Variants in SDC1 observed in about 807,000 individuals in gnomAD.
SDC1 encodes syndecan-1.
In SDC1, 14 loss-of-function variants were observed where a neutral mutation model predicts 29.7. The ratio of observed to expected loss-of-function variants is 0.47; its 90% CI spans 0.31 to 0.74. SDC1 has a LOEUF of 0.74. Ranked by LOEUF, SDC1 falls within the 30% of genes least tolerant of loss-of-function variation. SDC1 has a pLI of 0.05. For missense variants in SDC1, 406 were observed against 400.3 expected (o/e 1.01, Z -0.12); for synonymous variants, 204 against 175.5 (o/e 1.16, Z -1.29).
chr2:20,217,257 C>A (rs1215847092), intron 1 of SDC1, among the ~76,000 whole-genome samples: 1 of 152,222 alleles, frequency 6.6e-6, no homozygotes, highest in Non-Finnish European at 1.5e-5. Context: ...CCACCTCTCT[C>A]GTCTGGTTCC....
chr2:20,209,338 C>G (rs1478263571), intron 1 of SDC1, among the ~76,000 whole-genome samples: 2 of 152,222 alleles, frequency 1.3e-5, no homozygotes, highest in Non-Finnish European at 2.9e-5. Flanking sequence ...CGCCCAGACA[C>G]TACAACTCCC....
intron 1 of SDC1, chr2:20,208,069 G>C (rs1677337702): frequency 1.0e-6 from 1 of 985,428 alleles, no homozygotes; most frequent in Non-Finnish European, 1.2e-6. Flanking sequence ...CTGCATTGTA[G>C]AGTGCCGAAT....
rs1005126831 is a variant in SDC1, at chr2:20,212,101, G to C, written c.67-6677C>G. Reference sequence around the variant, plus strand: ...GCTTTACGGCTGACAGGCTGGCCCCGCGGCTTTAGCACCTGGTGCTGCTCT... The same window carrying C: ...GCTTTACGGCTGACAGGCTGGCCCCCCGGCTTTAGCACCTGGTGCTGCTCT... On this transcript the variant is annotated intron_variant, in intron 1 of 4. Transcript: ENST00000254351. 5.1e-4 allele frequency among the ~76,000 whole-genome samples: 78 copies of C among 152,110 alleles called. 1 individual carries two copies. The East Asian group carries it at 7.7e-3, about 15-fold the overall frequency.
chr2:20,209,092 C>T (rs1677379722), intron 1 of SDC1, among the ~76,000 whole-genome samples: 2 of 152,188 alleles, frequency 1.3e-5, no homozygotes, highest in African/African-American at 4.8e-5. Context: ...CCATCTCAGC[C>T]ATGCTGGTCT....
In SDC1 at chr2:20,202,725, C is replaced by A. The variant is rs767503354; in HGVS notation, c.*41G>T. On this transcript the variant is annotated 3_prime_UTR_variant, in exon 5 of 5. Coordinates refer to ENST00000254351, the MANE Select transcript of SDC1 (RefSeq NM_002997.5). ...TCTTCAAGGAAGAGGCAAGTGGGGG[C>A]CTAGTGAGTGGCAGGGCGGAGGGGG... 1.5e-5 allele frequency: 23 copies of A among 1,545,408 alleles called. No homozygotes were observed. Among genetic ancestry groups the A allele is most frequent in the Non-Finnish European group, 1.9e-5 (22 of 1,142,530 alleles).
At chr2:20,208,131 C>T (rs1677339992) in intron 1 of SDC1, 2 of 985,406 alleles carry the variant, frequency 2.0e-6, no homozygotes, top group African/African-American at 1.7e-5. Flanking sequence ...AACAATGAGG[C>T]AACCGAAGCC....
In SDC1 at chr2:20,203,137, C is replaced by T. The variant is rs1312941339; in HGVS notation, c.713G>A (p.Gly238Glu). The change falls in exon 4 of 5, where the codon GGG becomes GAG. Residue 238 changes from glycine (G) to glutamate (E), a missense_variant. Gly to Glu is a moderately conservative substitution (Grantham distance 98). Coordinates refer to ENST00000254351, the MANE Select transcript of SDC1 (RefSeq NM_002997.5). ...DRRNQSPVDQGATGASQGLLD... is the reference protein window; with the variant it reads ...DRRNQSPVDQEATGASQGLLD... ...GAGGCCCTGTGAGGCCCCCGTGGCCCCCTGATCCACTGGGGACTGGTTCCG... is the reference window on the plus strand; with the variant it reads ...GAGGCCCTGTGAGGCCCCCGTGGCCTCCTGATCCACTGGGGACTGGTTCCG... 1 of 1,612,792 alleles carries T rather than the reference C, an allele frequency of 6.2e-7. No individual in the cohort carries two copies. The highest frequency in any genetic ancestry group is 1.1e-5 in the South Asian group (1 of 91,048).
chr2:20,212,671 CG>C (rs1572467978), intron 1 of SDC1, among the ~76,000 whole-genome samples: 1 of 152,134 alleles, frequency 6.6e-6, no homozygotes, highest in African/African-American at 2.4e-5. Context: ...CAAGGCAAGC[CG>C]GGGCCTGCCG....
chr2:20,216,476 C>T (rs186354661), intron 1 of SDC1, among the ~76,000 whole-genome samples: 42 of 152,312 alleles, frequency 2.8e-4, no homozygotes, highest in Admixed American at 5.2e-4. Flanking sequence ...CCTGAAACGC[C>T]CCACAACCTC....
At chr2:20,211,654 C>G (rs938226551) in intron 1 of SDC1, among the ~76,000 whole-genome samples, 1 of 152,264 alleles carries the variant, frequency 6.6e-6, no homozygotes, top group Non-Finnish European at 1.5e-5. Context: ...GAGCAGAAGA[C>G]AGCTGCTGGA....
intron 1 of SDC1, among the ~76,000 whole-genome samples, chr2:20,215,900 T>A (rs962330485): frequency 9.2e-5 from 14 of 152,260 alleles, no homozygotes; most frequent in Middle Eastern, 6.8e-3. Flanking sequence ...ACCTCAGCTG[T>A]GAAGCCCCAA....
Position 20,224,701 on chromosome 2 carries a change from G to A in SDC1, c.66+101C>T, listed in dbSNP as rs1677935177. On this transcript the variant is annotated intron_variant, in intron 1 of 4. Coordinates refer to ENST00000254351, the MANE Select transcript of SDC1 (RefSeq NM_002997.5). This position sits in a 1 kb window ranked among gnomAD's most constrained non-coding sequence, Gnocchi z 4.9. ...CTGGGCTAGCGCGGGAAGAAGGGAA[G>A]TCTTCGCTCCCCCTCCCCCTCCACG... is the stretch of plus-strand genomic sequence containing the variant. 1 of 1,193,760 alleles carries A rather than the reference G, an allele frequency of 8.4e-7. No individual in the cohort carries two copies. Among genetic ancestry groups the A allele is most frequent in the Non-Finnish European group, 1.0e-6 (1 of 957,436 alleles). 73.9% of individuals were successfully genotyped at this position (1,193,760 alleles called of 1,614,324 possible).
At chr2:20,218,622 C>T (rs951781126) in intron 1 of SDC1, among the ~76,000 whole-genome samples, 1 of 150,334 alleles carries the variant, frequency 6.7e-6, no homozygotes, top group South Asian at 2.1e-4. Flanking sequence ...CAGACACACA[C>T]AGACACATAA....
At chr2:20,220,072 T>G (rs1017389284) in intron 1 of SDC1, among the ~76,000 whole-genome samples, 3 of 152,342 alleles carry the variant, frequency 2.0e-5, no homozygotes, top group Middle Eastern at 3.4e-3. Flanking sequence ...GTCCACATGG[T>G]TCCCACCCTG....
Position 20,224,703 on chromosome 2 carries a change from C to T in SDC1, c.66+99G>A, listed in dbSNP as rs1286359833. On this transcript the variant is annotated intron_variant, in intron 1 of 4. Transcript: ENST00000254351. The surrounding 1 kb of genome is among the most constrained non-coding windows in gnomAD (Gnocchi z 4.9). ...GGGCTAGCGCGGGAAGAAGGGAAGT[C>T]TTCGCTCCCCCTCCCCCTCCACGTG... 12 of 1,200,742 alleles carry T rather than the reference C, an allele frequency of 1.0e-5. No individual in the cohort carries two copies. The highest frequency in any genetic ancestry group is 9.1e-5 in the Admixed American group (2 of 22,092). The allele number at this position is 1,200,742 out of a possible 1,614,324, so 74.4% of individuals were successfully genotyped here.
intron 1 of SDC1, chr2:20,208,075 C>T (rs1029244101): frequency 1.6e-5 from 16 of 985,246 alleles, no homozygotes; most frequent in Admixed American, 1.2e-4. Context: ...TGTAGAGTGC[C>T]GAATCTTTCA....
Position 20,205,465 on chromosome 2 carries a change from C to A in SDC1, c.67-41G>T, listed in dbSNP as rs566302425. 6 of 1,539,774 alleles carry A rather than the reference C, an allele frequency of 3.9e-6. No homozygotes were observed. In the Admixed American group the frequency reaches 1.0e-4, roughly 26 times the overall value. On this transcript the variant is annotated intron_variant, in intron 1 of 4. Transcript: ENST00000254351. ...AATATGGTATGAGTAAAGGCTTGGC[C>A]GGGTCTCTGCTGCTCCTGGGTCCTC... is the stretch of plus-strand genomic sequence containing the variant.
chr2:20,208,898 T>A (rs1276195676), intron 1 of SDC1, among the ~76,000 whole-genome samples: 1 of 152,226 alleles, frequency 6.6e-6, no homozygotes, highest in Admixed American at 6.5e-5. Context: ...GATCTAGGCT[T>A]CCACTCATTC....
intron 1 of SDC1, among the ~76,000 whole-genome samples, chr2:20,208,317 G>A (rs1677347333): frequency 1.3e-5 from 2 of 152,254 alleles, no homozygotes; most frequent in African/African-American, 2.4e-5. Context: ...TGTTCCCTCA[G>A]TTCGGCTGGC....
Sources: gnomAD v4.1 joint callset for allele counts (sites outside exome capture counted in the v4.1 genomes callset) on GRCh38, gnomAD v4.1.1 for gene constraint, Gnocchi (gnomAD v3.1) non-coding constraint, MANE v1.5 for transcripts, NCBI Gene and HGNC (gene_info 2026-07-23, HGNC 2026-07-21) for gene names.